The following KDF1 variants were observed in gnomAD, a reference collection of about 807,000 sequenced individuals.
The protein encoded by KDF1 is keratinocyte differentiation factor 1.
A neutral mutation model predicts 31.6 loss-of-function variants in KDF1; 11 were observed. The ratio of observed to expected loss-of-function variants is 0.35; its 90% CI spans 0.22 to 0.58. The LOEUF (loss-of-function observed/expected upper bound fraction) is 0.58. KDF1 is among the 20% of genes least tolerant of loss of function. The pLI is 0.83. For synonymous variants in KDF1, 205 were observed against 214.4 expected (o/e 0.96, Z 0.38); for missense variants, 476 against 549.1 (o/e 0.87, Z 1.33).
chr1:26,954,898 A>G (rs1427660654), intron 1 of KDF1, among the ~76,000 whole-genome samples: 1 of 141,756 alleles, frequency 7.1e-6, no homozygotes, highest in African/African-American at 2.6e-5. Context: ...TCGCTCTGTC[A>G]CCCAGGCTGG....
In KDF1 at chr1:26,951,213, CAGAA is replaced by C. The variant is rs911703354; in HGVS notation, c.1039+125_1039+128del. On this transcript the variant is annotated intron_variant, in intron 2 of 3. Coordinates refer to ENST00000320567, the MANE Select transcript of KDF1 (RefSeq NM_152365.3). The surrounding 1 kb of genome is among the most constrained non-coding windows in gnomAD (Gnocchi z 5.4). ...TGGGGAGAGGGGATGCAAGAGTTGA[CAGAA>C]AGGAGGAGGAAAGGCAGGGACTGGC... is the stretch of plus-strand genomic sequence containing the variant. The C allele has an allele frequency of 1.2e-5, 12 of 1,031,938 alleles. No homozygotes were observed. The African/African-American group carries it at 1.5e-4, about 13-fold the overall frequency. The allele number at this position is 1,031,938 out of a possible 1,614,324, so 63.9% of individuals were successfully genotyped here.
At chr1:26,957,924 C>T (rs1330277638) in intron 1 of KDF1, among the ~76,000 whole-genome samples, 1 of 151,992 alleles carries the variant, frequency 6.6e-6, no homozygotes, top group Non-Finnish European at 1.5e-5. Context: ...AGGCAATTCT[C>T]ATGCCTCAGC....
intron 1 of KDF1, among the ~76,000 whole-genome samples, chr1:26,954,729 A>C (rs1475392740): frequency 6.7e-6 from 1 of 148,456 alleles, no homozygotes; most frequent in Non-Finnish European, 1.5e-5. Context: ...GCTACTGAGG[A>C]GGCTGAGGCA....
At chr1:26,955,078 G>A (rs1427747488) in intron 1 of KDF1, among the ~76,000 whole-genome samples, 6 of 151,648 alleles carry the variant, frequency 4.0e-5, no homozygotes, top group African/African-American at 7.3e-5. Context: ...GGCTGGTCTC[G>A]AACTCCTGAC....
rs781600690 is a variant in KDF1, at chr1:26,951,202, G to C, written c.1039+140C>G. Reference sequence around the variant, plus strand: ...AGAGTGGGAGCTGGGGAGAGGGGATGCAAGAGTTGACAGAAAGGAGGAGGA... The same window carrying C: ...AGAGTGGGAGCTGGGGAGAGGGGATCCAAGAGTTGACAGAAAGGAGGAGGA... On this transcript the variant is annotated intron_variant, in intron 2 of 3. Transcript: ENST00000320567. The surrounding 1 kb of genome is among the most constrained non-coding windows in gnomAD (Gnocchi z 5.4). 3 of 943,356 alleles carry C rather than the reference G, an allele frequency of 3.2e-6. No individual in the cohort carries two copies. The highest frequency in any genetic ancestry group is 4.6e-6 in the Non-Finnish European group (3 of 651,460). The allele number at this position is 943,356 out of a possible 1,614,324, so 58.4% of individuals were successfully genotyped here.
Position 26,950,195 on chromosome 1 carries a change from G to T in KDF1, c.1115-44C>A, listed in dbSNP as rs546858951. 9 of 1,550,680 alleles carry T rather than the reference G, an allele frequency of 5.8e-6. No individual in the cohort carries two copies. In the East Asian group the frequency reaches 1.8e-4, roughly 31 times the overall value. On this transcript the variant is annotated intron_variant, in intron 3 of 3. Coordinates refer to ENST00000320567, the MANE Select transcript of KDF1 (RefSeq NM_152365.3). This position sits in a 1 kb window ranked among gnomAD's most constrained non-coding sequence, Gnocchi z 4.0. ...GAGGAGGAAACAGGCTCAGGGGAAG[G>T]AGCTCATCCAGATCCCATGACCAGG...
chr1:26,956,240 G>T (rs1033509524), intron 1 of KDF1, among the ~76,000 whole-genome samples: 8 of 152,138 alleles, frequency 5.3e-5, no homozygotes, highest in Non-Finnish European at 1.2e-4. Context: ...TTTAGTTCCA[G>T]TTCTGGCCCT....
chr1:26,951,301 TC>T lies in KDF1; in HGVS notation c.1039+40del, dbSNP rs1289317019. 2.0e-6 allele frequency: 3 copies of T among 1,474,352 alleles called. No homozygotes were observed. The highest frequency in any genetic ancestry group is 2.7e-6 in the Non-Finnish European group (3 of 1,104,884). 91.3% of individuals were successfully genotyped at this position (1,474,352 alleles called of 1,614,324 possible). A position where few individuals can be genotyped will look rare whatever the true frequency, so the allele number is the denominator to read the frequency against. On this transcript the variant is annotated intron_variant, in intron 2 of 3. Coordinates refer to ENST00000320567, the MANE Select transcript of KDF1 (RefSeq NM_152365.3). This position sits in a 1 kb window ranked among gnomAD's most constrained non-coding sequence, Gnocchi z 5.4. ...TTCCAACCCTCCCCTGGCCAGAGCC[TC>T]CCCTACTCTGCCCCTCAGCCCCATG...
At chr1:26,953,910 G>A (rs543254246) in intron 1 of KDF1, among the ~76,000 whole-genome samples, 3 of 149,776 alleles carry the variant, frequency 2.0e-5, no homozygotes, top group Admixed American at 6.6e-5. Context: ...AGCTGAGATC[G>A]TGCCATTGCA....
chr1:26,950,260 T>G lies in KDF1; in HGVS notation c.1115-109A>C. 1 of 995,142 alleles carries G rather than the reference T, an allele frequency of 1.0e-6. No homozygotes were observed. Among genetic ancestry groups the G allele is most frequent in the Non-Finnish European group, 1.6e-6 (1 of 634,904 alleles). The allele number at this position is 995,142 out of a possible 1,614,324, so 61.6% of individuals were successfully genotyped here. Reference sequence around the variant, plus strand: ...GAAGGAGCAGAGTGGGACTTGAGCCTGGGTCAGTCTGATCCTGGCTGGATG... The same window carrying G: ...GAAGGAGCAGAGTGGGACTTGAGCCGGGGTCAGTCTGATCCTGGCTGGATG... On this transcript the variant is annotated intron_variant, in intron 3 of 3. Transcript: ENST00000320567. This position sits in a 1 kb window ranked among gnomAD's most constrained non-coding sequence, Gnocchi z 4.0.
chr1:26,957,743 G>A (rs561188748), intron 1 of KDF1, among the ~76,000 whole-genome samples: 26 of 152,234 alleles, frequency 1.7e-4, no homozygotes, highest in Non-Finnish European at 2.8e-4. Context: ...GAAATGTGGG[G>A]TATGGATTCA....
intron 1 of KDF1, among the ~76,000 whole-genome samples, chr1:26,954,732 C>T (rs2082368733): frequency 6.8e-6 from 1 of 147,874 alleles, no homozygotes; most frequent in African/African-American, 2.5e-5. Flanking sequence ...ACTGAGGAGG[C>T]TGAGGCAGGA....
At position 26,950,007 on chromosome 1, in the gene KDF1, C is replaced by A; in HGVS notation, c.*62G>T. ...CTCTCCCACAGGGGTTCCTGGTCCC[C>A]CTCTTCATTCTGTAGGCCATGCTTC... is the stretch of plus-strand genomic sequence containing the variant. On this transcript the variant is annotated 3_prime_UTR_variant, in exon 4 of 4. Transcript: ENST00000320567. This position sits in a 1 kb window ranked among gnomAD's most constrained non-coding sequence, Gnocchi z 4.0. The A allele has an allele frequency of 6.5e-7, 1 of 1,530,434 alleles. No individual in the cohort carries two copies. The highest frequency in any genetic ancestry group is 1.1e-5 in the South Asian group (1 of 88,542). The allele number at this position is 1,530,434 out of a possible 1,614,324, so 94.8% of individuals were successfully genotyped here. A position where few individuals can be genotyped will look rare whatever the true frequency, so the allele number is the denominator to read the frequency against.
chr1:26,956,740 A>G (rs146782025), intron 1 of KDF1, among the ~76,000 whole-genome samples: 250 of 152,320 alleles, frequency 1.6e-3, no homozygotes, highest in African/African-American at 5.7e-3. Flanking sequence ...CTGTGGTTAT[A>G]TAAGATAATG....
chr1:26,949,834 A>C lies in KDF1; in HGVS notation c.*235T>G. 1 of 486,402 alleles carries C rather than the reference A, an allele frequency of 2.1e-6. No homozygotes were observed. The highest frequency in any genetic ancestry group is 2.2e-5 in the South Asian group (1 of 45,766). 30.1% of individuals were successfully genotyped at this position (486,402 alleles called of 1,614,324 possible). On this transcript the variant is annotated 3_prime_UTR_variant, in exon 4 of 4. Coordinates refer to ENST00000320567, the MANE Select transcript of KDF1 (RefSeq NM_152365.3). ...ATGATCAGGCCACCTGAAGACCATG[A>C]GCAGGAAGGAAGGGGCCCTGGCAGG...
rs192401604 is a variant in KDF1, at chr1:26,949,918, T to G, written c.*151A>C. ...ATCCCATGGCCCAGTGAAATGCACA[T>G]GGTCCAGGAACCCAGTCAGCCAAGG... On this transcript the variant is annotated 3_prime_UTR_variant, in exon 4 of 4. Coordinates refer to ENST00000320567, the MANE Select transcript of KDF1 (RefSeq NM_152365.3). The G allele has an allele frequency of 5.5e-4, 377 of 681,750 alleles. No individual in the cohort carries two copies. Among genetic ancestry groups the G allele is most frequent in the African/African-American group, 5.2e-3 (289 of 55,664 alleles). The allele number at this position is 681,750 out of a possible 1,614,324, so 42.2% of individuals were successfully genotyped here.
Position 26,960,142 on chromosome 1 carries a change from G to A in KDF1, c.-33+208C>T, listed in dbSNP as rs985330410. Among the ~76,000 whole-genome samples, 2 of 152,116 alleles carry A rather than the reference G, an allele frequency of 1.3e-5. No homozygotes were observed. The highest frequency in any genetic ancestry group is 4.8e-5 in the African/African-American group (2 of 41,444). Reference sequence around the variant, plus strand: ...GCACCCAGCCAGTGCAGCCCTAAGGGCGAACGCGGCCCCTCACCCCATTCT... The same window carrying A: ...GCACCCAGCCAGTGCAGCCCTAAGGACGAACGCGGCCCCTCACCCCATTCT... On this transcript the variant is annotated intron_variant, in intron 1 of 3. Transcript: ENST00000320567. The surrounding 1 kb of genome is among the most constrained non-coding windows in gnomAD (Gnocchi z 4.9).
chr1:26,952,299 C>T lies in KDF1; in HGVS notation c.82G>A (p.Glu28Lys), dbSNP rs1175925699. Reference protein sequence around the residue: ...PWERPTELCLETYDKPPQPPP... With the variant: ...PWERPTELCLKTYDKPPQPPP... ...GGCTGAGGTGGTTTATCATATGTCT[C>T]CAGACATAGCTCTGTTGGCCGCTCC... Residue 28 changes from glutamate to lysine, a missense_variant, in exon 2 of 4, where the codon GAG (glutamate) becomes AAG (lysine). By Grantham distance (56) the Glu-to-Lys change is moderately conservative (BLOSUM62 1). Transcript: ENST00000320567. The surrounding 1 kb of genome is among the most constrained non-coding windows in gnomAD (Gnocchi z 4.1). 2 of 1,544,710 alleles carry T rather than the reference C, an allele frequency of 1.3e-6. No homozygotes were observed. Among genetic ancestry groups the T allele is most frequent in the South Asian group, 1.2e-5 (1 of 80,010 alleles).
At chr1:26,954,568 A>C (rs1341369338) in intron 1 of KDF1, among the ~76,000 whole-genome samples, 3 of 151,240 alleles carry the variant, frequency 2.0e-5, no homozygotes, top group Non-Finnish European at 4.4e-5. Context: ...CGCAGTGGCT[A>C]ATGCCTGTAA....
Sources: allele counts gnomAD v4.1 joint callset (sites outside exome capture counted in the v4.1 genomes callset), GRCh38; gene constraint gnomAD v4.1.1; non-coding constraint Gnocchi (gnomAD v3.1); transcripts MANE v1.5; gene names NCBI Gene and HGNC (gene_info 2026-07-23, HGNC 2026-07-21).